Variants in SEMA6D observed in about 807,000 individuals in gnomAD.
SEMA6D encodes semaphorin 6D, also known as semaphorin-6D.
In SEMA6D, 35 loss-of-function variants were observed where a neutral mutation model predicts 106.6. The observed-to-expected ratio is 0.33, with a 90% CI of 0.25 to 0.44. The LOEUF (loss-of-function observed/expected upper bound fraction) is 0.44. SEMA6D is among the 20% of genes least tolerant of loss of function. The pLI is 1.00. For missense variants in SEMA6D, 1,185 were observed against 1,345.9 expected (o/e 0.88, Z 1.87); for synonymous variants, 499 against 487.7 (o/e 1.02, Z -0.31).
At chr15:47,535,725 A>G (rs1396667655) in intron 3 of SEMA6D, among the ~76,000 whole-genome samples, 2 of 152,042 alleles carry the variant, frequency 1.3e-5, no homozygotes, top group South Asian at 2.1e-4. Flanking sequence ...GGAGTTTTCA[A>G]AAGTTAGTAT....
In SEMA6D at chr15:47,531,610, T is replaced by C. The variant is rs563856327; in HGVS notation, c.-87+61065T>C. 3.9e-5 allele frequency among the ~76,000 whole-genome samples: 6 copies of C among 152,362 alleles called. No homozygotes were observed. The South Asian group carries it at 1.2e-3, about 32-fold the overall frequency. On this transcript the variant is annotated intron_variant, in intron 3 of 19. Transcript: ENST00000558014. ...ATTCAATGATTTAGTTGGCACTTAC[T>C]CTGTGGTTGTTCATTAGAACAGGGA...
intron 1 of SEMA6D, among the ~76,000 whole-genome samples, chr15:47,207,888 G>A (rs1895182169): frequency 6.6e-6 from 1 of 151,952 alleles, no homozygotes. Flanking sequence ...ATGCCTTCTA[G>A]GGAATTCTGG....
intron 1 of SEMA6D, among the ~76,000 whole-genome samples, chr15:47,343,716 T>A (rs2037926022): frequency 6.6e-6 from 1 of 152,164 alleles, no homozygotes; most frequent in African/African-American, 2.4e-5. Flanking sequence ...GCAATAAACA[T>A]ACGTGTGTGT....
chr15:47,248,289 A>G (rs1053265640), intron 1 of SEMA6D, among the ~76,000 whole-genome samples: 2 of 152,236 alleles, frequency 1.3e-5, no homozygotes, highest in Admixed American at 6.5e-5. Flanking sequence ...GACAACAGCT[A>G]TTATCCAACA....
At chr15:47,560,000 G>A (rs940996765) in intron 3 of SEMA6D, among the ~76,000 whole-genome samples, 2 of 152,048 alleles carry the variant, frequency 1.3e-5, no homozygotes, top group Non-Finnish European at 2.9e-5. Flanking sequence ...ATAATACTGA[G>A]TAGGAACATC....
chr15:47,636,663 T>C (rs542244850), intron 4 of SEMA6D, among the ~76,000 whole-genome samples: 2 of 152,298 alleles, frequency 1.3e-5, no homozygotes, highest in South Asian at 4.1e-4. Flanking sequence ...GAAGGCAAGA[T>C]ATTCTCCTTT....
intron 1 of SEMA6D, among the ~76,000 whole-genome samples, chr15:47,352,079 C>T (rs2038348657): frequency 6.6e-6 from 1 of 152,038 alleles, no homozygotes; most frequent in African/African-American, 2.4e-5. Context: ...AATGTGGAAA[C>T]TGGAAATCTG....
At chr15:47,742,011 A>G (rs914048853) in intron 1 of SEMA6D, among the ~76,000 whole-genome samples, 3 of 152,120 alleles carry the variant, frequency 2.0e-5, no homozygotes, top group Non-Finnish European at 4.4e-5. Flanking sequence ...ATGACTAGGA[A>G]TTTGCCAGTC....
intron 1 of SEMA6D, among the ~76,000 whole-genome samples, chr15:47,410,904 G>A (rs2040771620): frequency 6.6e-6 from 1 of 152,074 alleles, no homozygotes; most frequent in Non-Finnish European, 1.5e-5. Context: ...AATAATGCAA[G>A]ATTCAGACCA....
At chr15:47,659,589 A>C (rs1161700177) in intron 4 of SEMA6D, among the ~76,000 whole-genome samples, 2 of 152,080 alleles carry the variant, frequency 1.3e-5, no homozygotes, top group African/African-American at 4.8e-5. Context: ...AATGACGACT[A>C]ATAAATTTGT....
intron 3 of SEMA6D, among the ~76,000 whole-genome samples, chr15:47,541,069 C>CCATTTGGACCTTCTTCAAAGCAAGCATGA (rs2045339236): frequency 6.6e-6 from 1 of 152,010 alleles, no homozygotes; most frequent in African/African-American, 2.4e-5. Context: ...TTATGATGGG[C>CCATTTGGACCTTCTTCAAAGCAAGCATGA]ACAATACAGA....
chr15:47,319,717 G>A (rs1447098987), intron 1 of SEMA6D, among the ~76,000 whole-genome samples: 9 of 152,092 alleles, frequency 5.9e-5, no homozygotes, highest in Admixed American at 3.3e-4. Context: ...GTGCTCTGGT[G>A]TATTTCAAAA....
intron 2 of SEMA6D, among the ~76,000 whole-genome samples, chr15:47,428,025 A>T (rs984992007): frequency 6.6e-6 from 1 of 152,172 alleles, no homozygotes; most frequent in Non-Finnish European, 1.5e-5. Context: ...ATAGCTCACC[A>T]GAAAATGTGC....
intron 3 of SEMA6D, among the ~76,000 whole-genome samples, chr15:47,586,257 G>T (rs1046377716): frequency 1.3e-4 from 20 of 152,118 alleles, no homozygotes; most frequent in African/African-American, 4.6e-4. Flanking sequence ...ACAGTGCTTA[G>T]CAGGCAACGG....
rs962109085 is a variant in SEMA6D at position 47,767,051 on chromosome 15, T to G, written c.1723T>G (p.Ser575Ala). ...LGDCHEILPT[S>A]TTPDYKIFGG... Reference sequence around the variant, plus strand: ...AATTCTTTTAGAAATTTTGCCTACTTCAACTACACCAGATTACAAAATATT... The same window carrying G: ...AATTCTTTTAGAAATTTTGCCTACTGCAACTACACCAGATTACAAAATATT... The change falls in exon 17 of 19, where the codon TCA becomes GCA. Residue 575 changes from serine (S) to alanine (A), a missense_variant. By Grantham distance (99) the Ser-to-Ala change is moderately conservative. Coordinates refer to ENST00000536845, the MANE Select transcript of SEMA6D (RefSeq NM_001358351.3). 1 of 1,567,126 alleles carries G rather than the reference T, an allele frequency of 6.4e-7. No homozygotes were observed. Among genetic ancestry groups the G allele is most frequent in the Middle Eastern group, 1.7e-4 (1 of 5,896 alleles).
intron 1 of SEMA6D, among the ~76,000 whole-genome samples, chr15:47,249,735 C>T (rs554321860): frequency 6.6e-6 from 1 of 152,204 alleles, no homozygotes; most frequent in South Asian, 2.1e-4. Context: ...AATAAAGGTC[C>T]TTAGCAAAAG....
chr15:47,689,945 G>A (rs914963833), intron 4 of SEMA6D, among the ~76,000 whole-genome samples: 3 of 152,194 alleles, frequency 2.0e-5, no homozygotes, highest in African/African-American at 7.2e-5. Flanking sequence ...CAAGAGATTT[G>A]CTACGGGTGG....
intron 3 of SEMA6D, among the ~76,000 whole-genome samples, chr15:47,495,267 A>T (rs1184538944): frequency 6.6e-6 from 1 of 151,620 alleles, no homozygotes; most frequent in Non-Finnish European, 1.5e-5. Context: ...TTTTTTTTTT[A>T]GAAAAGAAAG....
intron 1 of SEMA6D, among the ~76,000 whole-genome samples, chr15:47,741,793 A>G (rs1225716003): frequency 6.6e-6 from 1 of 152,218 alleles, no homozygotes; most frequent in Non-Finnish European, 1.5e-5. Flanking sequence ...GACATGTGAA[A>G]TATTTTCTAT....
Sources: allele counts gnomAD v4.1 joint callset (sites outside exome capture counted in the v4.1 genomes callset), GRCh38; gene constraint gnomAD v4.1.1; transcripts MANE v1.5; gene names NCBI Gene and HGNC (gene_info 2026-07-23, HGNC 2026-07-21).